DCDC2: variants seen among roughly 807,000 people sequenced by gnomAD.
DCDC2 encodes the protein doublecortin domain containing 2, also known as doublecortin domain-containing protein 2.
DCDC2 carries 40 observed loss-of-function variants against 50.2 expected under a neutral mutation model. That is an observed-to-expected ratio of 0.80 (90% CI 0.62 to 1.04). The LOEUF (loss-of-function observed/expected upper bound fraction) is 1.04. Ranked by LOEUF, DCDC2 falls within the 50% of genes least tolerant of loss-of-function variation. The probability of loss-of-function intolerance (pLI) is 0.00; values close to 1 mark genes in which losing one functional copy is unlikely to be tolerated. For synonymous variants in DCDC2, 234 were observed against 210.6 expected, an observed-to-expected ratio of 1.11 and a Z score of -0.96; for missense variants, 570 against 581.9, an observed-to-expected ratio of 0.98 and a Z score of 0.21.
intron 8 of DCDC2, among the ~76,000 whole-genome samples, chr6:24,184,063 G>C (rs917258849): frequency 2.1e-4 from 32 of 152,292 alleles, no homozygotes; most frequent in African/African-American, 7.0e-4. Context: ...GACAAAGAGA[G>C]TAAATGAGAA....
chr6:24,176,301 A>G (rs1284005973), intron 9 of DCDC2, among the ~76,000 whole-genome samples: 1 of 140,300 alleles, frequency 7.1e-6, no homozygotes. Context: ...GTCACAAAAA[A>G]AAAGTCCCTA....
intron 7 of DCDC2, among the ~76,000 whole-genome samples, chr6:24,245,707 G>T (rs896222542): frequency 2.6e-5 from 4 of 152,158 alleles, no homozygotes; most frequent in Admixed American, 6.6e-5. Flanking sequence ...AAGAGAATTA[G>T]CATTTAGAGA....
chr6:24,340,775 G>T (rs150825192), intron 2 of DCDC2, among the ~76,000 whole-genome samples: 125 of 152,244 alleles, frequency 8.2e-4, no homozygotes, highest in African/African-American at 2.8e-3. Flanking sequence ...GCCCAGACTG[G>T]AGTGCAGTGG....
chr6:24,238,748 T>C (rs950808966), intron 7 of DCDC2, among the ~76,000 whole-genome samples: 1 of 152,148 alleles, frequency 6.6e-6, no homozygotes. Context: ...ACCTAAAGGA[T>C]TATCAGATGG....
intron 7 of DCDC2, among the ~76,000 whole-genome samples, chr6:24,251,070 T>TTATTTTAATATAACATA (rs1762783470): frequency 6.6e-6 from 1 of 152,196 alleles, no homozygotes; most frequent in Non-Finnish European, 1.5e-5. Flanking sequence ...TATTAAAATT[T>TTATTTTAATATAACATA]GTAAATTGTT....
intron 7 of DCDC2, among the ~76,000 whole-genome samples, chr6:24,243,675 C>T (rs72830832): frequency 0.093 from 14,201 of 152,198 alleles, 821 homozygotes; most frequent in East Asian, 0.17. Context: ...GACCTGTGCT[C>T]ACAAGTTGAA....
the DCDC2 span, among the ~76,000 whole-genome samples, chr6:24,375,672 T>C: frequency 1.3e-5 from 2 of 152,136 alleles, no homozygotes; most frequent in African/African-American, 4.8e-5. Context: ...CAGCTCTCTG[T>C]TGTAGGTGCT....
At chr6:24,288,736 A>G in intron 6 of DCDC2, 116 bp downstream of exon 6, 3 of 844,252 alleles carry the variant, frequency 3.6e-6, no homozygotes, top group Non-Finnish European at 5.9e-6. Context: ...ATAATTGGTT[A>G]TACACCACGA....
At chr6:24,278,291 A>G (rs1478923972) in intron 6 of DCDC2, 80 bp from the exon 7 acceptor site, 1 of 1,335,886 alleles carries the variant, frequency 7.5e-7, no homozygotes. Context: ...GTCATTAACT[A>G]CTGGTAAGCA....
At chr6:24,358,892 T>TA (rs1561788438), upstream of DCDC2, among the ~76,000 whole-genome samples, 12 of 34,232 alleles carry the variant, frequency 3.5e-4, no homozygotes, top group South Asian at 1.6e-3. Context: ...TATATATTTA[T>TA]ATATATAATA....
chr6:24,342,705 AG>A (rs1760182157), intron 2 of DCDC2, among the ~76,000 whole-genome samples: 1 of 147,634 alleles, frequency 6.8e-6, no homozygotes, highest in African/African-American at 2.6e-5. Flanking sequence ...AAAAAAAAAA[AG>A]GGTTTTCTTT....
intron 2 of DCDC2, among the ~76,000 whole-genome samples, chr6:24,306,432 G>C (rs796911236): frequency 6.6e-6 from 1 of 151,712 alleles, no homozygotes; most frequent in Non-Finnish European, 1.5e-5. Flanking sequence ...TTAGAGAGAG[G>C]AGTCATTCTG....
intron 2 of DCDC2, among the ~76,000 whole-genome samples, chr6:24,312,801 A>G (rs1303966473): frequency 6.6e-6 from 1 of 152,206 alleles, no homozygotes; most frequent in African/African-American, 2.4e-5. Flanking sequence ...CCATTCACTG[A>G]GACAGGAAAA....
At chr6:24,372,601 T>G in the DCDC2 span, among the ~76,000 whole-genome samples, 1 of 151,946 alleles carries the variant, frequency 6.6e-6, no homozygotes, top group Non-Finnish European at 1.5e-5. Context: ...AAATGATGAG[T>G]TCATGTCCCT....
At chr6:24,181,751 T>C (rs1006329932) in intron 8 of DCDC2, among the ~76,000 whole-genome samples, 2 of 152,242 alleles carry the variant, frequency 1.3e-5, no homozygotes, top group Non-Finnish European at 2.9e-5. Context: ...GAGGTCAATA[T>C]TATCCAAAGT....
At chr6:24,373,853 G>A in the DCDC2 span, among the ~76,000 whole-genome samples, 1 of 152,142 alleles carries the variant, frequency 6.6e-6, no homozygotes, top group Non-Finnish European at 1.5e-5. Context: ...AAGAAAGTGG[G>A]AGGGAGGAAA....
At chr6:24,185,401 C>T (rs1761168702) in intron 8 of DCDC2, among the ~76,000 whole-genome samples, 1 of 152,058 alleles carries the variant, frequency 6.6e-6, no homozygotes, top group Non-Finnish European at 1.5e-5. Flanking sequence ...TGTTGAAATG[C>T]CAATTTGATC....
At chr6:24,363,644 T>C in the DCDC2 span, among the ~76,000 whole-genome samples, 1 of 152,232 alleles carries the variant, frequency 6.6e-6, no homozygotes, top group Non-Finnish European at 1.5e-5. Flanking sequence ...CCAGACCACA[T>C]TGCACCCTAG....
chr6:24,208,440 C>T (rs1306362017), intron 7 of DCDC2, among the ~76,000 whole-genome samples: 1 of 148,728 alleles, frequency 6.7e-6, no homozygotes, highest in African/African-American at 2.5e-5. Context: ...GCGCAATCTC[C>T]GCTCACCGCA....
Sources: allele counts gnomAD v4.1 joint callset (sites outside exome capture counted in the v4.1 genomes callset), GRCh38; gene constraint gnomAD v4.1.1; transcripts MANE v1.5; gene names NCBI Gene and HGNC (gene_info 2026-07-23, HGNC 2026-07-21).